PACS1: variants seen among roughly 807,000 people sequenced by gnomAD.
PACS1 encodes the protein PACS-1.
Under a neutral mutation model 115.0 loss-of-function variants are expected in PACS1, and 24 were observed. The ratio of observed to expected loss-of-function variants is 0.21; its 90% CI spans 0.15 to 0.29. PACS1 has a LOEUF of 0.29. Among genes scored for constraint, PACS1 ranks in the 10% least tolerant of loss-of-function variants. PACS1 has a pLI of 1.00. For synonymous variants in PACS1, 453 were observed against 504.5 expected (o/e 0.90, Z 1.37); for missense variants, 838 against 1,251.2 (o/e 0.67, Z 4.98).
chr11:66,178,153 A>T (rs1056640146), intron 1 of PACS1, among the ~76,000 whole-genome samples: 6 of 150,072 alleles, frequency 4.0e-5, no homozygotes, highest in African/African-American at 7.6e-5. Context: ...ACACCCAATA[A>T]CCTACCACCC....
At position 66,090,001 on chromosome 11, in the gene PACS1, A is replaced by G. The variant is rs541002578; in HGVS notation, c.356+19159A>G. 2.3e-4 allele frequency among the ~76,000 whole-genome samples: 17 copies of G among 73,440 alleles called. No homozygotes were observed. The East Asian group carries it at 5.1e-3, about 22-fold the overall frequency. 48.2% of individuals were successfully genotyped at this position (73,440 alleles called of 152,430 possible). ...AGCCTGGAGGACAGAGCGAGACTCC[A>G]TCTCAAAAAAAAAAAAAAAAAAAAG... On this transcript the variant is annotated intron_variant, in intron 1 of 23. Coordinates refer to ENST00000320580, the MANE Select transcript of PACS1 (RefSeq NM_018026.4).
rs1355368163 is a variant in PACS1 at position 66,070,926 on chromosome 11, G to A, written c.356+84G>A. 1.6e-6 allele frequency: 2 copies of A among 1,286,546 alleles called. No individual in the cohort carries two copies. The highest frequency in any genetic ancestry group is 1.6e-5 in the African/African-American group (1 of 63,462). The allele number at this position is 1,286,546 out of a possible 1,614,324, so 79.7% of individuals were successfully genotyped here. ...CCCTCCCCGCCCCAGCGCCCATGGG[G>A]TCCCCGCCCTCCATCTCCCCGACTG... On this transcript the variant is annotated intron_variant, in intron 1 of 23. Coordinates refer to ENST00000320580, the MANE Select transcript of PACS1 (RefSeq NM_018026.4). The surrounding 1 kb of genome is among the most constrained non-coding windows in gnomAD (Gnocchi z 5.9).
intron 1 of PACS1, chr11:66,084,131 G>T: frequency 6.6e-6 from 1 of 152,476 alleles, no homozygotes. Flanking sequence ...GAATAAAGCT[G>T]GATGGGGATA....
At chr11:66,237,353 T>A (rs1282039567) in intron 19 of PACS1, among the ~76,000 whole-genome samples, 4 of 152,208 alleles carry the variant, frequency 2.6e-5, no homozygotes, top group Non-Finnish European at 5.9e-5. Context: ...TGAGCCACCA[T>A]GCCCCACCAG....
intron 22 of PACS1, among the ~76,000 whole-genome samples, chr11:66,242,173 G>C (rs919248277): frequency 6.6e-6 from 1 of 152,234 alleles, no homozygotes; most frequent in Non-Finnish European, 1.5e-5. Flanking sequence ...CCCGGCTCCT[G>C]TGCGTGGGAG....
At position 66,070,624 on chromosome 11, in the gene PACS1, GC is replaced by G. The variant is rs1376040928; in HGVS notation, c.144del (p.Lys49SerfsTer53). 1.9e-6 allele frequency: 3 copies of G among 1,543,022 alleles called. No individual in the cohort carries two copies. Among genetic ancestry groups the G allele is most frequent in the Admixed American group, 1.8e-5 (1 of 54,388 alleles). On this transcript the variant is annotated frameshift_variant, in exon 1 of 24. Coordinates refer to ENST00000320580, the MANE Select transcript of PACS1 (RefSeq NM_018026.4). LOFTEE classifies it high-confidence loss of function. The surrounding 1 kb of genome is among the most constrained non-coding windows in gnomAD (Gnocchi z 5.9). Reference sequence around the variant, plus strand: ...AGCAGCAGCCGCCGCAGCAGCCGACGCCCCCCAAGCTGGCCCAGGCCACCTC... The same window carrying G: ...AGCAGCAGCCGCCGCAGCAGCCGACGCCCCCAAGCTGGCCCAGGCCACCTC... ...QQQQPPQQPT[P>X]PKLAQATSSS...
intron 1 of PACS1, among the ~76,000 whole-genome samples, chr11:66,156,149 A>AT (rs1414680294): frequency 4.9e-5 from 7 of 142,574 alleles, no homozygotes; most frequent in African/African-American, 1.8e-4. Flanking sequence ...TTGTATGTAA[A>AT]TTTTGTTTAT....
At chr11:66,099,644 C>G (rs1267416262) in intron 1 of PACS1, among the ~76,000 whole-genome samples, 1 of 151,776 alleles carries the variant, frequency 6.6e-6, no homozygotes, top group Non-Finnish European at 1.5e-5. Context: ...CTCCTGGGCT[C>G]AAGTCATCCT....
chr11:66,157,935 A>G (rs1565127978), intron 1 of PACS1, among the ~76,000 whole-genome samples: 1 of 151,756 alleles, frequency 6.6e-6, no homozygotes, highest in East Asian at 1.9e-4. Flanking sequence ...GTGCTTATCC[A>G]CATAGAATTT....
chr11:66,119,712 A>C (rs1015439848), intron 1 of PACS1, among the ~76,000 whole-genome samples: 4 of 152,202 alleles, frequency 2.6e-5, no homozygotes, highest in Non-Finnish European at 5.9e-5. Context: ...ATATTTTAAT[A>C]TCTCTCAAAA....
Position 66,111,647 on chromosome 11 carries a change from T to G in PACS1, c.356+40805T>G, listed in dbSNP as rs189387264. On this transcript the variant is annotated intron_variant, in intron 1 of 23. Coordinates refer to ENST00000320580, the MANE Select transcript of PACS1 (RefSeq NM_018026.4). Reference sequence around the variant, plus strand: ...GAATTATCCCAGATTATTATTCTTTTTTTTGTTTTGTTTTGTTTTTTGTTT... The same window carrying G: ...GAATTATCCCAGATTATTATTCTTTGTTTTGTTTTGTTTTGTTTTTTGTTT... Among the ~76,000 whole-genome samples the G allele has an allele frequency of 4.6e-5, 7 of 152,292 alleles. No homozygotes were observed. The East Asian group carries it at 1.2e-3, about 25-fold the overall frequency.
chr11:66,212,668 G>A (rs971623670), intron 4 of PACS1, among the ~76,000 whole-genome samples: 1 of 151,932 alleles, frequency 6.6e-6, no homozygotes, highest in South Asian at 2.1e-4. Flanking sequence ...TATTTTACGA[G>A]GAGGTAAATA....
At chr11:66,185,583 A>G (rs1333187450) in intron 1 of PACS1, among the ~76,000 whole-genome samples, 2 of 152,124 alleles carry the variant, frequency 1.3e-5, no homozygotes, top group Non-Finnish European at 1.5e-5. Context: ...GTGACAGAGG[A>G]GTCTTCAGCC....
rs12281389 is a variant in PACS1, at chr11:66,096,468, C to T, written c.356+25626C>T. ...TGTTGATGGACATATAGGTTCTTTACAGCTTTTAGCTTTTATGAATAAAGT... is the reference window on the plus strand; with the variant it reads ...TGTTGATGGACATATAGGTTCTTTATAGCTTTTAGCTTTTATGAATAAAGT... On this transcript the variant is annotated intron_variant, in intron 1 of 23. Coordinates refer to ENST00000320580, the MANE Select transcript of PACS1 (RefSeq NM_018026.4). Among the ~76,000 whole-genome samples, 546 of 151,546 alleles carry T rather than the reference C, an allele frequency of 3.6e-3. 5 individuals are homozygous for T. The highest frequency in any genetic ancestry group is 0.013 in the African/African-American group (523 of 41,242).
chr11:66,176,544 G>C (rs1859867067), intron 1 of PACS1, among the ~76,000 whole-genome samples: 1 of 151,828 alleles, frequency 6.6e-6, no homozygotes, highest in African/African-American at 2.4e-5. Flanking sequence ...CTCCCGAATA[G>C]CTGGGTTTAC....
At chr11:66,206,331 TG>T (rs1178367698) in intron 2 of PACS1, among the ~76,000 whole-genome samples, 2 of 152,162 alleles carry the variant, frequency 1.3e-5, no homozygotes, top group African/African-American at 4.8e-5. Context: ...ATTTTGAAAT[TG>T]GACCCTGGTT....
chr11:66,082,190 C>T (rs1305064329), intron 1 of PACS1, among the ~76,000 whole-genome samples: 1 of 152,074 alleles, frequency 6.6e-6, no homozygotes, highest in Non-Finnish European at 1.5e-5. Context: ...TAGACTGGTA[C>T]ATGGGGCACA....
chr11:66,236,011 A>G lies in PACS1; in HGVS notation c.2250+71A>G. 2 of 1,373,262 alleles carry G rather than the reference A, an allele frequency of 1.5e-6. No individual in the cohort carries two copies. Among genetic ancestry groups the G allele is most frequent in the Non-Finnish European group, 2.1e-6 (2 of 959,914 alleles). 85.1% of individuals were successfully genotyped at this position (1,373,262 alleles called of 1,614,324 possible). On this transcript the variant is annotated intron_variant, in intron 19 of 23. Transcript: ENST00000320580. This position sits in a 1 kb window ranked among gnomAD's most constrained non-coding sequence, Gnocchi z 4.2. ...TCTTCCTGTTCCCCCTTACACAGGA[A>G]AACAAAAGATTCATCTAGAACAGTG...
intron 1 of PACS1, among the ~76,000 whole-genome samples, chr11:66,156,853 GAA>G (rs35580702): frequency 3.4e-4 from 47 of 138,630 alleles, no homozygotes; most frequent in Admixed American, 4.4e-4. Context: ...ACTCTGTCTC[GAA>G]AAAAAAAAAA....
Sources: allele counts gnomAD v4.1 joint callset (sites outside exome capture counted in the v4.1 genomes callset), GRCh38; gene constraint gnomAD v4.1.1; non-coding constraint Gnocchi (gnomAD v3.1); transcripts MANE v1.5; gene names NCBI Gene and HGNC (gene_info 2026-07-23, HGNC 2026-07-21).